NSMAF: variants seen among roughly 807,000 people sequenced by gnomAD.
The protein encoded by NSMAF is neutral sphingomyelinase activation associated factor.
Under a neutral mutation model 134.9 loss-of-function variants are expected in NSMAF, and 90 were observed. The ratio of observed to expected loss-of-function variants is 0.67; its 90% CI spans 0.56 to 0.79. The LOEUF (loss-of-function observed/expected upper bound fraction) is 0.79, where lower values mean the gene tolerates loss of function less well. Ranked by LOEUF, NSMAF falls within the 30% of genes least tolerant of loss-of-function variation. The pLI, the probability that NSMAF is intolerant of heterozygous loss-of-function variation, is 0.00. For missense variants in NSMAF, 1,010 were observed against 1,119.0 expected (o/e 0.90, Z 1.39); for synonymous variants, 358 against 389.6 (o/e 0.92, Z 0.96).
intron 30 of NSMAF, 38 bp downstream of exon 30, chr8:58,585,614 T>A (rs1805863965): frequency 7.0e-7 from 1 of 1,438,324 alleles, no homozygotes; most frequent in African/African-American, 1.4e-5. Flanking sequence ...TTCATTATCT[T>A]GAGAACAAAG....
chr8:58,605,896 A>G (rs1224116022), intron 12 of NSMAF, 31 bp downstream of exon 12: 8 of 1,514,484 alleles, frequency 5.3e-6, no homozygotes, highest in South Asian at 1.3e-5. Flanking sequence ...AAAAAAAAAA[A>G]GAAAGAAACA....
chr8:58,599,360 G>A lies in NSMAF; in HGVS notation c.1457C>T (p.Pro486Leu), dbSNP rs1235222945. The A allele has an allele frequency of 6.2e-6, 10 of 1,613,318 alleles. No individual in the cohort carries two copies. The highest frequency in any genetic ancestry group is 8.5e-6 in the Non-Finnish European group (10 of 1,179,842). ...DVELPPWASS[P>L]EDFLQKSKDA... ...TTTGCTCTTCTGGAGAAAGTCCTCG[G>A]GACCTATTAGATTAGACTCAATCGA... is the stretch of plus-strand genomic sequence containing the variant. Residue 486 changes from proline to leucine, a missense_variant, in exon 19 of 31, where the codon CCC becomes CTC. By Grantham distance (98) the Pro-to-Leu change is moderately conservative. Transcript: ENST00000038176.
At chr8:58,611,083 C>T (rs1209901715) in intron 9 of NSMAF, among the ~76,000 whole-genome samples, 1 of 152,096 alleles carries the variant, frequency 6.6e-6, no homozygotes, top group Non-Finnish European at 1.5e-5. Context: ...TCCTTTTTAA[C>T]AAACTGCTCA....
chr8:58,615,150 G>A (rs73250333), intron 9 of NSMAF, among the ~76,000 whole-genome samples: 7,850 of 152,052 alleles, frequency 0.052, 481 homozygotes, highest in African/African-American at 0.15. Flanking sequence ...AAGACATTAC[G>A]CATCTTAATG....
chr8:58,647,946 A>C (rs576438394), intron 1 of NSMAF, among the ~76,000 whole-genome samples: 1 of 152,354 alleles, frequency 6.6e-6, no homozygotes, highest in East Asian at 1.9e-4. Flanking sequence ...TAACAGGCAG[A>C]AGCTGGAAGA....
Position 58,635,508 on chromosome 8 carries a change from A to G in NSMAF, c.188T>C (p.Val63Ala), listed in dbSNP as rs1295923892. 2 of 1,606,682 alleles carry G rather than the reference A, an allele frequency of 1.2e-6. No individual in the cohort carries two copies. Among genetic ancestry groups the G allele is most frequent in the Non-Finnish European group, 1.7e-6 (2 of 1,177,470 alleles). Residue 63 changes from valine to alanine, a missense_variant, in exon 3 of 31, where the codon GTG (valine) becomes GCG (alanine). By Grantham distance (64) the Val-to-Ala change is moderately conservative. Coordinates refer to ENST00000038176, the MANE Select transcript of NSMAF (RefSeq NM_003580.4). ...GGATATTGAATCTGGTTCAAAAATC[A>G]CCGATTTTGAACATATTTTTAAGGA... ...RGSLKICSKS[V>A]IFEPDSISQP...
At chr8:58,588,651 T>C in intron 26 of NSMAF, 1 of 1,535,174 alleles carries the variant, frequency 6.5e-7, no homozygotes, top group Non-Finnish European at 8.9e-7. Flanking sequence ...GAATGACGAA[T>C]TTCTTAATGG....
chr8:58,584,638 G>C (rs953511971), intron 30 of NSMAF, among the ~76,000 whole-genome samples: 1 of 152,098 alleles, frequency 6.6e-6, no homozygotes, highest in East Asian at 1.9e-4. Flanking sequence ...AAGTCACAAA[G>C]AATTTCATTT....
chr8:58,657,757 A>G (rs578180556), intron 1 of NSMAF, among the ~76,000 whole-genome samples: 1 of 152,368 alleles, frequency 6.6e-6, no homozygotes, highest in Admixed American at 6.5e-5. Context: ...AAATAAATAT[A>G]AAACACATGG....
intron 1 of NSMAF, chr8:58,659,276 C>CGCCGGGACCTGCACT: frequency 6.6e-7 from 1 of 1,513,414 alleles, no homozygotes; most frequent in Non-Finnish European, 8.8e-7. Context: ...TGCCCGCGGC[C>CGCCGGGACCTGCACT]GCCGGGACCT....
chr8:58,601,077 G>A (rs914809990), intron 16 of NSMAF: 11 of 433,826 alleles, frequency 2.5e-5, no homozygotes, highest in Admixed American at 3.9e-5. Flanking sequence ...GCTACAAAAG[G>A]TAGGACAAAA....
intron 1 of NSMAF, among the ~76,000 whole-genome samples, chr8:58,650,233 A>G (rs959318335): frequency 6.6e-5 from 10 of 152,204 alleles, no homozygotes; most frequent in African/African-American, 2.2e-4. Context: ...CCTAGGCAGC[A>G]GCCCAGTACT....
At chr8:58,630,701 C>T (rs1408382174) in intron 6 of NSMAF, among the ~76,000 whole-genome samples, 2 of 152,206 alleles carry the variant, frequency 1.3e-5, no homozygotes, top group African/African-American at 4.8e-5. Flanking sequence ...ATAATTAAAT[C>T]TCAGTATTTA....
rs1280392537 is a variant in NSMAF at position 58,594,560 on chromosome 8, G to A, written c.1893-270C>T. On this transcript the variant is annotated intron_variant, in intron 22 of 30. Coordinates refer to ENST00000038176, the MANE Select transcript of NSMAF (RefSeq NM_003580.4). ...CTTTACATATTCCTGACAATTTCTG[G>A]CAATTGGAAAACTCTTCTCCTTCTA... 14 of 427,748 alleles carry A rather than the reference G, an allele frequency of 3.3e-5. No individual in the cohort carries two copies. In the East Asian group the frequency reaches 5.2e-4, roughly 16 times the overall value. The allele number at this position is 427,748 out of a possible 1,614,324, so 26.5% of individuals were successfully genotyped here.
chr8:58,589,773 T>A, intron 25 of NSMAF, 198 bp from the exon 26 acceptor site: 3 of 642,722 alleles, frequency 4.7e-6, no homozygotes, highest in Admixed American at 7.5e-5. Context: ...GTCTGGCTCA[T>A]CTGTTTTCTC....
Position 58,609,613 on chromosome 8 carries a change from G to A in NSMAF, c.678C>T (p.Asn226=), listed in dbSNP as rs765556107. The change falls in exon 10 of 31, where the codon AAC becomes AAT. Residue 226 remains asparagine, a synonymous_variant. Transcript: ENST00000038176. ...CCTGTGGTCTACACACCGGGTAGCC[G>A]TTGAGGGGCTGAAAATACAGGTTTG... ...TDTNLYFQPL[N]GYPKPVVQIT... The A allele has an allele frequency of 2.9e-5, 46 of 1,613,996 alleles. No homozygotes were observed. Among genetic ancestry groups the A allele is most frequent in the East Asian group, 2.7e-4 (12 of 44,892 alleles).
chr8:58,638,702 C>T (rs115888833), intron 2 of NSMAF, among the ~76,000 whole-genome samples: 4,119 of 152,180 alleles, frequency 0.027, 206 homozygotes, highest in African/African-American at 0.093. Context: ...AAAAGCTTCT[C>T]GGCATTGGTC....
chr8:58,627,059 GT>G (rs950682312), intron 6 of NSMAF, among the ~76,000 whole-genome samples: 3 of 152,052 alleles, frequency 2.0e-5, no homozygotes, highest in African/African-American at 7.2e-5. Flanking sequence ...GGGATTATTT[GT>G]TTTTTGCTTG....
Position 58,609,604 on chromosome 8 carries a change from C to T in NSMAF, c.687G>A (p.Pro229=), listed in dbSNP as rs760741647. 23 of 1,613,894 alleles carry T rather than the reference C, an allele frequency of 1.4e-5. No homozygotes were observed. The highest frequency in any genetic ancestry group is 1.6e-4 in the Middle Eastern group (1 of 6,072). ...CCACCTGACCCTGTGGTCTACACAC[C>T]GGGTAGCCGTTGAGGGGCTGAAAAT... The part of the protein sequence containing the change: ...NLYFQPLNGY[P]KPVVQITLQD... The change falls in exon 10 of 31, where the codon CCG becomes CCA. Residue 229 remains proline (P), a splice_region_variant and synonymous_variant. Coordinates refer to ENST00000038176, the MANE Select transcript of NSMAF (RefSeq NM_003580.4).
Sources: gnomAD v4.1 joint callset for allele counts (sites outside exome capture counted in the v4.1 genomes callset) on GRCh38, gnomAD v4.1.1 for gene constraint, MANE v1.5 for transcripts, NCBI Gene and HGNC (gene_info 2026-07-23, HGNC 2026-07-21) for gene names.